The following VPS53 variants were observed in gnomAD, a reference collection of about 807,000 sequenced individuals.
VPS53 encodes the protein vacuolar protein sorting-associated protein 53 homolog.
A neutral mutation model predicts 107.0 loss-of-function variants in VPS53; 70 were observed. The observed-to-expected ratio is 0.65, with a 90% CI of 0.54 to 0.80. The LOEUF is 0.80. VPS53 is among the 30% of genes least tolerant of loss of function. The pLI, the probability that VPS53 is intolerant of heterozygous loss-of-function variation, is 0.00. For synonymous variants in VPS53, 409 were observed against 393.3 expected, an observed-to-expected ratio of 1.04 and a Z score of -0.47; for missense variants, 917 against 1,049.4, an observed-to-expected ratio of 0.87 and a Z score of 1.74.
chr17:522,243 G>A (rs12450158), intron 19 of VPS53, among the ~76,000 whole-genome samples: 28,125 of 152,118 alleles, frequency 0.18, 2,738 homozygotes, highest in Admixed American at 0.27. Context: ...GGGTGACAGA[G>A]GGAGACCCTG....
intron 2 of VPS53, 152 bp downstream of exon 2, chr17:710,381 A>G: frequency 1.6e-6 from 1 of 632,166 alleles, no homozygotes; most frequent in Non-Finnish European, 2.9e-6. Context: ...AGTGTAGCTC[A>G]CTGCCCCAGC....
intron 18 of VPS53, 154 bp downstream of exon 18, chr17:536,874 C>T (rs919133242): frequency 5.8e-5 from 52 of 900,026 alleles, no homozygotes; most frequent in Non-Finnish European, 7.7e-5. Context: ...GGGGAGGTGT[C>T]GGTAATGGGA....
At chr17:644,745 G>A (rs962520549) in intron 7 of VPS53, among the ~76,000 whole-genome samples, 1 of 151,998 alleles carries the variant, frequency 6.6e-6, no homozygotes, top group South Asian at 2.1e-4. Flanking sequence ...CACCACACCA[G>A]CTCACTTTTT....
rs543070487 is a variant in VPS53 at position 711,966 on chromosome 17, G to A, written c.88-1353C>T. Among the ~76,000 whole-genome samples the A allele has an allele frequency of 5.9e-5, 9 of 152,002 alleles. No individual in the cohort carries two copies. The East Asian group carries it at 1.4e-3, about 23-fold the overall frequency. ...TGAGAAGGTGGGACTACAGGCGCTC[G>A]CCACCATACCCGGCTTATTTTTTGT... On this transcript the variant is annotated intron_variant, in intron 1 of 21. Coordinates refer to ENST00000437048, the MANE Select transcript of VPS53 (RefSeq NM_001128159.3).
chr17:714,650 C>A lies in VPS53; in HGVS notation c.60G>T (p.Thr20=), dbSNP rs751509297. ...VEELEAVLQL[T]PEVQLAIEQV... is the part of the protein sequence containing the mutation. Reference sequence around the variant, plus strand: ...GCTCGATGGCCAGCTGCACCTCGGGCGTGAGCTGCAGCACGGCTTCCAGCT... The same window carrying A: ...GCTCGATGGCCAGCTGCACCTCGGGAGTGAGCTGCAGCACGGCTTCCAGCT... Residue 20 remains threonine, a synonymous_variant, in exon 1 of 22, where the codon ACG becomes ACT. Coordinates refer to ENST00000437048, the MANE Select transcript of VPS53 (RefSeq NM_001128159.3). The A allele has an allele frequency of 1.2e-6, 2 of 1,613,038 alleles. No individual in the cohort carries two copies. The highest frequency in any genetic ancestry group is 2.2e-5 in the South Asian group (2 of 91,048).
Position 584,302 on chromosome 17 carries a change from G to A in VPS53, c.1313+1968C>T, listed in dbSNP as rs569793722. Among the ~76,000 whole-genome samples, 34 of 152,278 alleles carry A rather than the reference G, an allele frequency of 2.2e-4. No individual in the cohort carries two copies. The South Asian group carries it at 2.3e-3, about 10-fold the overall frequency. ...TTCCAACGTGGAAGGGCTTGGCTGCGGACAAGGACGCAGGGATGAGGAGGA... is the reference window on the plus strand; with the variant it reads ...TTCCAACGTGGAAGGGCTTGGCTGCAGACAAGGACGCAGGGATGAGGAGGA... On this transcript the variant is annotated intron_variant, in intron 13 of 21. Coordinates refer to ENST00000437048, the MANE Select transcript of VPS53 (RefSeq NM_001128159.3).
intron 19 of VPS53, among the ~76,000 whole-genome samples, chr17:527,440 C>A (rs1244349163): frequency 6.6e-6 from 1 of 152,196 alleles, no homozygotes; most frequent in Non-Finnish European, 1.5e-5. Flanking sequence ...GTCCTCATTT[C>A]TCTAGGGTGG....
At chr17:696,615 A>C (rs933899265) in intron 4 of VPS53, among the ~76,000 whole-genome samples, 1 of 152,128 alleles carries the variant, frequency 6.6e-6, no homozygotes, top group Non-Finnish European at 1.5e-5. Flanking sequence ...GAACAGAATC[A>C]AATAAAAAGG....
At chr17:561,161 CAT>C (rs1912932545) in intron 14 of VPS53, among the ~76,000 whole-genome samples, 1 of 152,174 alleles carries the variant, frequency 6.6e-6, no homozygotes, top group Non-Finnish European at 1.5e-5. Context: ...TGGAGGAGGA[CAT>C]AAGCGAATGT....
At chr17:676,391 C>G (rs1386185218) in intron 4 of VPS53, 1 of 152,156 alleles carries the variant, frequency 6.6e-6, no homozygotes, top group African/African-American at 2.4e-5. Context: ...GCAGTAATTC[C>G]GCAATTTTTC....
rs1288677443 is a variant in VPS53, at chr17:553,394, C to A, written c.1773G>T (p.Met591Ile). ...AGGGTACATACGTGCTGAACGTGTC[C>A]ATCTCTCCAGTCAGATTGATTCGTT... Reference protein sequence around the residue: ...LIERINLTGEMDTFSTVISSS... With the variant: ...LIERINLTGEIDTFSTVISSS... The change falls in exon 16 of 22, where the codon ATG becomes ATT. Residue 591 changes from methionine (M) to isoleucine (I), a missense_variant. By Grantham distance (10) the Met-to-Ile change is conservative. Transcript: ENST00000437048. 1.2e-6 allele frequency: 2 copies of A among 1,613,912 alleles called. No homozygotes were observed. The highest frequency in any genetic ancestry group is 4.5e-5 in the East Asian group (2 of 44,886).
intron 2 of VPS53, among the ~76,000 whole-genome samples, chr17:700,549 C>T (rs1973159027): frequency 1.3e-5 from 2 of 151,650 alleles, no homozygotes; most frequent in Non-Finnish European, 2.9e-5. Flanking sequence ...AAAACTCTGT[C>T]TCAAAAAAAA....
chr17:694,713 TAAAC>T (rs1175723497), intron 4 of VPS53, among the ~76,000 whole-genome samples: 1 of 152,212 alleles, frequency 6.6e-6, no homozygotes, highest in Non-Finnish European at 1.5e-5. Context: ...TTATAATTAA[TAAAC>T]AATCTTAGAC....
Position 524,497 on chromosome 17 carries a change from C to T in VPS53, c.2086-2759G>A, listed in dbSNP as rs1908980113. Among the ~76,000 whole-genome samples the T allele has an allele frequency of 6.6e-6, 1 of 152,144 alleles. No individual in the cohort carries two copies. Among genetic ancestry groups the T allele is most frequent in the African/African-American group, 2.4e-5 (1 of 41,422 alleles). On this transcript the variant is annotated intron_variant, in intron 19 of 21. Transcript: ENST00000437048. The surrounding 1 kb of genome is among the most constrained non-coding windows in gnomAD (Gnocchi z 4.5). ...GTTGACAAGGGAACGGGGTTCCGAACATGAAGATTCCTACACATCAACAGG... is the reference window on the plus strand; with the variant it reads ...GTTGACAAGGGAACGGGGTTCCGAATATGAAGATTCCTACACATCAACAGG...
Position 556,601 on chromosome 17 carries a change from G to A in VPS53, c.1705-3139C>T, listed in dbSNP as rs183339198. Among the ~76,000 whole-genome samples the A allele has an allele frequency of 2.8e-3, 425 of 152,306 alleles. 4 individuals carry two copies. Among genetic ancestry groups the A allele is most frequent in the African/African-American group, 5.1e-3 (212 of 41,568 alleles). ...ATCCCTGAAGCCACAGTGTTGAGAGGTATGAGGTCATGAGGGCTCTGGCAT... is the reference window on the plus strand; with the variant it reads ...ATCCCTGAAGCCACAGTGTTGAGAGATATGAGGTCATGAGGGCTCTGGCAT... On this transcript the variant is annotated intron_variant, in intron 15 of 21. Coordinates refer to ENST00000437048, the MANE Select transcript of VPS53 (RefSeq NM_001128159.3).
chr17:675,911 T>C (rs1222525303), intron 4 of VPS53, among the ~76,000 whole-genome samples: 1 of 151,938 alleles, frequency 6.6e-6, no homozygotes, highest in Non-Finnish European at 1.5e-5. Flanking sequence ...ATACAATACC[T>C]AGAAACGAAC....
chr17:642,077 G>A (rs1320241657), intron 7 of VPS53, among the ~76,000 whole-genome samples: 1 of 152,166 alleles, frequency 6.6e-6, no homozygotes, highest in Non-Finnish European at 1.5e-5. Context: ...AAGTAGCCCT[G>A]AGACTTTTGT....
chr17:536,778 A>C, intron 18 of VPS53: 1 of 436,960 alleles, frequency 2.3e-6, no homozygotes, highest in South Asian at 2.7e-5. Flanking sequence ...AAACCGAGGG[A>C]ATGTCCAGCG....
chr17:592,720 T>C (rs749087400), intron 12 of VPS53, among the ~76,000 whole-genome samples: 1 of 152,208 alleles, frequency 6.6e-6, no homozygotes, highest in African/African-American at 2.4e-5. Context: ...TGGCCACCAC[T>C]CTCTTCTGGC....
Sources: allele counts gnomAD v4.1 joint callset (sites outside exome capture counted in the v4.1 genomes callset), GRCh38; gene constraint gnomAD v4.1.1; non-coding constraint Gnocchi (gnomAD v3.1); transcripts MANE v1.5; gene names NCBI Gene and HGNC (gene_info 2026-07-23, HGNC 2026-07-21).